TNKS: variants seen among roughly 807,000 people sequenced by gnomAD.
TNKS encodes the protein tankyrase.
A neutral mutation model predicts 135.8 loss-of-function variants in TNKS; 72 were observed. That is an observed-to-expected ratio of 0.53 (90% CI 0.44 to 0.64). The LOEUF (loss-of-function observed/expected upper bound fraction) is 0.64, where lower values mean the gene tolerates loss of function less well. TNKS is among the 30% of genes least tolerant of loss of function. The pLI, the probability that TNKS is intolerant of heterozygous loss-of-function variation, is 0.00. For synonymous variants in TNKS, 849 were observed against 649.3 expected (o/e 1.31, Z -4.68); for missense variants, 1,769 against 1,674.0 (o/e 1.06, Z -0.99).
At chr8:9,765,316 A>C (rs564062360) in intron 23 of TNKS, among the ~76,000 whole-genome samples, 3 of 152,330 alleles carry the variant, frequency 2.0e-5, no homozygotes, top group South Asian at 2.1e-4. Context: ...TGTAAAAGTT[A>C]TACTGGTACA....
At chr8:9,571,113 C>T (rs1797740294) in intron 1 of TNKS, among the ~76,000 whole-genome samples, 1 of 152,102 alleles carries the variant, frequency 6.6e-6, no homozygotes, top group South Asian at 2.1e-4. Context: ...TAACCTTTTC[C>T]TCCCTACTGT....
intron 3 of TNKS, chr8:9,670,683 G>C (rs772422774): frequency 6.6e-6 from 1 of 152,094 alleles, no homozygotes; most frequent in Non-Finnish European, 1.5e-5. Flanking sequence ...GTTAGCTTTT[G>C]TTAGGTGAGA....
intron 2 of TNKS, among the ~76,000 whole-genome samples, chr8:9,586,820 C>T (rs1293282969): frequency 6.7e-6 from 1 of 149,586 alleles, no homozygotes. Context: ...TAATAATATG[C>T]AGAGTTATCA....
intron 2 of TNKS, among the ~76,000 whole-genome samples, chr8:9,600,529 T>C (rs1798978293): frequency 6.6e-6 from 1 of 152,072 alleles, no homozygotes; most frequent in Admixed American, 6.6e-5. Context: ...ACCGGGATGG[T>C]CTTGAACTCC....
intron 3 of TNKS, among the ~76,000 whole-genome samples, chr8:9,658,791 A>G (rs1056576106): frequency 2.6e-5 from 4 of 152,240 alleles, no homozygotes; most frequent in Non-Finnish European, 4.4e-5. Flanking sequence ...CAGACTGGCA[A>G]ATTGGATAAA....
At chr8:9,609,365 C>G (rs937886774) in intron 2 of TNKS, among the ~76,000 whole-genome samples, 1 of 152,132 alleles carries the variant, frequency 6.6e-6, no homozygotes, top group Non-Finnish European at 1.5e-5. Flanking sequence ...TCGTAGACAC[C>G]CAAAGTTTCC....
intron 15 of TNKS, among the ~76,000 whole-genome samples, chr8:9,734,045 T>G (rs973647187): frequency 1.4e-4 from 21 of 152,188 alleles, no homozygotes; most frequent in Non-Finnish European, 2.1e-4. Flanking sequence ...TTTGCTTTTT[T>G]TTAACTACGG....
Position 9,607,312 on chromosome 8 carries a change from G to C in TNKS, c.899-8270G>C, listed in dbSNP as rs1019987753. ...GACAGCAGGATTCTCTTTTCTGCTT[G>C]TGTATGCAGTCTTTTCTGATAGGCT... On this transcript the variant is annotated intron_variant, in intron 2 of 26. Transcript: ENST00000310430. Among the ~76,000 whole-genome samples the C allele has an allele frequency of 4.6e-5, 7 of 152,258 alleles. No individual in the cohort carries two copies. The East Asian group carries it at 1.3e-3, about 29-fold the overall frequency.
At chr8:9,709,725 T>A (rs540815784) in intron 9 of TNKS, among the ~76,000 whole-genome samples, 6 of 152,338 alleles carry the variant, frequency 3.9e-5, no homozygotes, top group African/African-American at 1.4e-4. Context: ...AGAAATAAGA[T>A]CTCTCTTAAT....
chr8:9,660,644 A>G (rs1394746595), intron 3 of TNKS, among the ~76,000 whole-genome samples: 47 of 152,190 alleles, frequency 3.1e-4, no homozygotes, highest in Non-Finnish European at 2.9e-5. Flanking sequence ...TGAATGGACA[A>G]AAACTGGAAG....
intron 11 of TNKS, among the ~76,000 whole-genome samples, chr8:9,716,762 A>G (rs1451250516): frequency 2.0e-5 from 3 of 150,722 alleles, no homozygotes; most frequent in South Asian, 4.2e-4. Flanking sequence ...GTGTTTGTTC[A>G]TCTGGTTCAT....
rs1798117985 is a variant in TNKS, at chr8:9,580,253, C to G, written c.768C>G (p.Ala256=). The change falls in exon 2 of 27, where the codon GCC becomes GCG. Residue 256 remains alanine (A), a synonymous_variant. Transcript: ENST00000310430. The part of the protein sequence containing the change: ...DDGGLIPLHN[A]CSFGHAEVVS... ...GAGGTCTCATCCCGCTTCATAATGC[C>G]TGTTCTTTTGGCCATGCTGAGGTTG... The G allele has an allele frequency of 6.2e-6, 10 of 1,614,154 alleles. No individual in the cohort carries two copies. The highest frequency in any genetic ancestry group is 8.5e-6 in the Non-Finnish European group (10 of 1,180,030).
chr8:9,654,636 A>G (rs1024366078), intron 3 of TNKS, among the ~76,000 whole-genome samples: 16 of 152,162 alleles, frequency 1.1e-4, no homozygotes, highest in Admixed American at 7.9e-4. Flanking sequence ...GTAAAATTCT[A>G]TTTGTTGCTT....
chr8:9,563,755 G>T (rs1213664603), intron 1 of TNKS, among the ~76,000 whole-genome samples: 1 of 151,964 alleles, frequency 6.6e-6, no homozygotes, highest in Non-Finnish European at 1.5e-5. Context: ...TAAAATAATT[G>T]ATTATAATTT....
At chr8:9,721,319 T>C (rs1199558634) in intron 12 of TNKS, among the ~76,000 whole-genome samples, 13 of 146,830 alleles carry the variant, frequency 8.9e-5, no homozygotes, top group Non-Finnish European at 3.0e-5. Context: ...TATAAAATTA[T>C]AAAATTTTGC....
At chr8:9,688,302 A>T (rs776655057) in intron 5 of TNKS, among the ~76,000 whole-genome samples, 6 of 152,242 alleles carry the variant, frequency 3.9e-5, no homozygotes, top group Non-Finnish European at 8.8e-5. Context: ...AGGTGCAAAC[A>T]GAAGTCTGAT....
At chr8:9,714,757 G>A (rs1443051894) in intron 11 of TNKS, among the ~76,000 whole-genome samples, 5 of 152,116 alleles carry the variant, frequency 3.3e-5, no homozygotes, top group African/African-American at 4.8e-5. Flanking sequence ...AGAGAATGGT[G>A]GTGCAATTAA....
rs1410125171 is a variant in TNKS at position 9,779,926 on chromosome 8, A to AT, written c.*3191dup. On this transcript the variant is annotated 3_prime_UTR_variant, in exon 27 of 27. Coordinates refer to ENST00000310430, the MANE Select transcript of TNKS (RefSeq NM_003747.3). ...ATCAACATTAGGATGTTTTCATGAA[A>AT]TAGCATCCTTATACTTCTTTGAGCT... 7 of 152,348 alleles carry AT rather than the reference A, an allele frequency of 4.6e-5. No homozygotes were observed. Among genetic ancestry groups the AT allele is most frequent in the African/African-American group, 1.7e-4 (7 of 41,584 alleles). The allele number at this position is 152,348 out of a possible 1,614,324, so 9.4% of individuals were successfully genotyped here.
intron 3 of TNKS, among the ~76,000 whole-genome samples, chr8:9,641,450 G>T (rs1439576674): frequency 3.5e-5 from 5 of 143,922 alleles, no homozygotes; most frequent in Non-Finnish European, 7.6e-5. Flanking sequence ...TCATACACTG[G>T]ACTCATTTTA....
Sources: gnomAD v4.1 joint callset for allele counts (sites outside exome capture counted in the v4.1 genomes callset) on GRCh38, gnomAD v4.1.1 for gene constraint, MANE v1.5 for transcripts, NCBI Gene and HGNC (gene_info 2026-07-23, HGNC 2026-07-21) for gene names.